CRB1: variants seen among roughly 807,000 people sequenced by gnomAD.
The protein encoded by CRB1 is protein crumbs homolog 1.
Under a neutral mutation model 120.0 loss-of-function variants are expected in CRB1, and 83 were observed. That is an observed-to-expected ratio of 0.69 (90% confidence interval 0.58 to 0.83). The LOEUF is 0.83. Among genes scored for constraint, CRB1 ranks in the 40% least tolerant of loss-of-function variants. The probability of loss-of-function intolerance (pLI) is 0.00; values close to 1 mark genes in which losing one functional copy is unlikely to be tolerated. For missense variants in CRB1, 1,699 were observed against 1,687.6 expected, an observed-to-expected ratio of 1.01 and a Z score of -0.12; for synonymous variants, 625 against 612.5, an observed-to-expected ratio of 1.02 and a Z score of -0.30.
chr1:197,305,012 G>T lies in CRB1; in HGVS notation c.71-23410G>T, dbSNP rs111636246. 3.1e-3 allele frequency among the ~76,000 whole-genome samples: 472 copies of T among 152,276 alleles called. 1 individual carries two copies. The highest frequency in any genetic ancestry group is 0.011 in the African/African-American group (450 of 41,570). ...TTAGTCATTACTGGAAGGCCCTGCA[G>T]AGCCTATTCTTTCAGCCATTCCAGG... On this transcript the variant is annotated intron_variant, in intron 1 of 11. Coordinates refer to ENST00000367400, the MANE Select transcript of CRB1 (RefSeq NM_201253.3).
intron 4 of CRB1, 79 bp from the exon 5 acceptor site, chr1:197,356,752 C>G (rs1040233017): frequency 1.1e-5 from 15 of 1,388,394 alleles, no homozygotes; most frequent in South Asian, 7.2e-5. Context: ...GCCAGTATAG[C>G]AGTCAACCTC....
intron 1 of CRB1, among the ~76,000 whole-genome samples, chr1:197,322,953 GA>G (rs1184288877): frequency 4.6e-5 from 7 of 151,972 alleles, no homozygotes; most frequent in Admixed American, 6.6e-5. Flanking sequence ...TGACATTCCT[GA>G]AACTCAATTC....
chr1:197,435,700 G>A (rs1024773205), intron 9 of CRB1, 88 bp downstream of exon 9: 64 of 1,187,688 alleles, frequency 5.4e-5, no homozygotes, highest in Non-Finnish European at 7.0e-5. Context: ...TCTCCTCAAG[G>A]TATACATATA....
At position 197,421,291 on chromosome 1, in the gene CRB1, T is replaced by G; in HGVS notation, c.1463T>G (p.Phe488Cys). 1 of 1,614,192 alleles carries G rather than the reference T, an allele frequency of 6.2e-7. No homozygotes were observed. The change falls in exon 6 of 12, where the codon TTT becomes TGT. Residue 488 changes from phenylalanine to cysteine, a missense_variant. Phe to Cys is a radical substitution (Grantham distance 205). Coordinates refer to ENST00000367400, the MANE Select transcript of CRB1 (RefSeq NM_201253.3). ...SLCEIATTLS[F>C]EGDGFLWVKS... ...TGTGAAATCGCAACCACACTTTCAT[T>G]TGAGGGCGATGGCTTCCTGTGGGTC...
intron 1 of CRB1, among the ~76,000 whole-genome samples, chr1:197,327,876 T>A (rs1416401950): frequency 6.6e-6 from 1 of 152,090 alleles, no homozygotes; most frequent in Non-Finnish European, 1.5e-5. Context: ...CTCATGACAT[T>A]TTCCTTGAAG....
chr1:197,335,609 C>T (rs1659106878), intron 2 of CRB1, among the ~76,000 whole-genome samples: 1 of 152,124 alleles, frequency 6.6e-6, no homozygotes. Context: ...AGCAATTCTC[C>T]TGCCTCAGCC....
intron 5 of CRB1, among the ~76,000 whole-genome samples, chr1:197,410,570 CT>C (rs1663655209): frequency 6.6e-6 from 1 of 152,176 alleles, no homozygotes; most frequent in Admixed American, 6.5e-5. Flanking sequence ...TCATTTAATC[CT>C]TATTAGTGGC....
chr1:197,344,207 C>G, intron 2 of CRB1, 74 bp from the exon 3 acceptor site: 1 of 1,364,852 alleles, frequency 7.3e-7, no homozygotes, highest in Non-Finnish European at 1.0e-6. Context: ...GTAAACAAAG[C>G]ATTGTCAAAT....
chr1:197,250,760 A>G, the CRB1 span, among the ~76,000 whole-genome samples: 1 of 151,946 alleles, frequency 6.6e-6, no homozygotes, highest in Non-Finnish European at 1.5e-5. Context: ...TCTGTCTGAC[A>G]TCCTTCCTAG....
chr1:197,231,154 C>T, the CRB1 span, among the ~76,000 whole-genome samples: 22 of 152,208 alleles, frequency 1.4e-4, no homozygotes, highest in South Asian at 4.1e-3. Context: ...TTCTTTATTA[C>T]ATGTTTTATA....
At chr1:197,410,574 T>C (rs1663655710) in intron 5 of CRB1, among the ~76,000 whole-genome samples, 1 of 152,240 alleles carries the variant, frequency 6.6e-6, no homozygotes, top group South Asian at 2.1e-4. Context: ...TTAATCCTTA[T>C]TAGTGGCCTT....
At chr1:197,425,196 G>C (rs750500987) in intron 6 of CRB1, among the ~76,000 whole-genome samples, 2 of 152,146 alleles carry the variant, frequency 1.3e-5, no homozygotes, top group Non-Finnish European at 2.9e-5. Flanking sequence ...ATATGAAAGT[G>C]CTGCAGTGTA....
the CRB1 span, among the ~76,000 whole-genome samples, chr1:197,211,852 C>A: frequency 6.6e-6 from 1 of 151,346 alleles, no homozygotes; most frequent in South Asian, 2.1e-4. Context: ...AAAAGCAGGC[C>A]ACACATTGGT....
chr1:197,323,806 C>A (rs970741663), intron 1 of CRB1, among the ~76,000 whole-genome samples: 2 of 152,100 alleles, frequency 1.3e-5, no homozygotes, highest in African/African-American at 4.8e-5. Context: ...AGACCTGATC[C>A]AAGCCAGACC....
At chr1:197,430,190 G>A (rs1455296382) in intron 8 of CRB1, among the ~76,000 whole-genome samples, 1 of 152,144 alleles carries the variant, frequency 6.6e-6, no homozygotes, top group African/African-American at 2.4e-5. Flanking sequence ...CCAAATGTTA[G>A]CAATTTGAAT....
chr1:197,416,987 G>A (rs1258559275), intron 5 of CRB1, among the ~76,000 whole-genome samples: 1 of 152,234 alleles, frequency 6.6e-6, no homozygotes, highest in Admixed American at 6.5e-5. Flanking sequence ...GATTACAGGT[G>A]TGAGCCACCG....
intron 1 of CRB1, among the ~76,000 whole-genome samples, chr1:197,292,281 T>A (rs1656232953): frequency 6.6e-6 from 1 of 152,140 alleles, no homozygotes; most frequent in African/African-American, 2.4e-5. Context: ...CAGAGAATAC[T>A]ATAAACACCT....
chr1:197,276,814 A>C (rs7542309), intron 1 of CRB1, among the ~76,000 whole-genome samples: 15 of 152,040 alleles, frequency 9.9e-5, no homozygotes, highest in African/African-American at 3.6e-4. Flanking sequence ...CATTCTTGCA[A>C]TCATACTACA....
At chr1:197,369,778 T>C (rs1661274424) in intron 5 of CRB1, among the ~76,000 whole-genome samples, 1 of 152,218 alleles carries the variant, frequency 6.6e-6, no homozygotes, top group African/African-American at 2.4e-5. Context: ...AACTTCTCTC[T>C]GTATGCTGAA....
Sources: allele counts gnomAD v4.1 joint callset (sites outside exome capture counted in the v4.1 genomes callset), GRCh38; gene constraint gnomAD v4.1.1; transcripts MANE v1.5; gene names NCBI Gene and HGNC (gene_info 2026-07-23, HGNC 2026-07-21).